ALG9: variants seen among roughly 807,000 people sequenced by gnomAD.
ALG9 encodes the protein alpha-1,2-mannosyltransferase ALG9.
ALG9 carries 55 observed loss-of-function variants against 81.8 expected under a neutral mutation model. That is an observed-to-expected ratio of 0.67 (90% CI 0.54 to 0.84). The LOEUF is 0.84. ALG9 is among the 40% of genes least tolerant of loss of function. The pLI, the probability that ALG9 is intolerant of heterozygous loss-of-function variation, is 0.00. For missense variants in ALG9, 629 were observed against 745.0 expected, an observed-to-expected ratio of 0.84 and a Z score of 1.81; for synonymous variants, 278 against 274.3, an observed-to-expected ratio of 1.01 and a Z score of -0.13.
intron 1 of ALG9, 120 bp downstream of exon 1, chr11:111,871,231 CG>C: frequency 1.5e-6 from 2 of 1,313,962 alleles, no homozygotes; most frequent in South Asian, 4.4e-5. Context: ...AGAGGGAGCT[CG>C]GGCCTCCCGC....
At chr11:111,859,068 T>C (rs111545377) in intron 5 of ALG9, among the ~76,000 whole-genome samples, 1,715 of 152,064 alleles carry the variant, frequency 0.011, 46 homozygotes, top group African/African-American at 0.04. Flanking sequence ...TAGCCAGGCA[T>C]GGTGATGCAT....
chr11:111,773,662 G>C, the ALG9 span, among the ~76,000 whole-genome samples: 2 of 151,924 alleles, frequency 1.3e-5, no homozygotes, highest in African/African-American at 4.8e-5. Flanking sequence ...CTTGCCAGGG[G>C]CCTATATACC....
chr11:111,864,337 T>C (rs1679553711), intron 4 of ALG9: 1 of 791,106 alleles, frequency 1.3e-6, no homozygotes. Flanking sequence ...GCATAAAAGT[T>C]TCCCAGGCAG....
intron 14 of ALG9, among the ~76,000 whole-genome samples, chr11:111,786,904 ACCTGGACT>A (rs1342340894): frequency 6.6e-6 from 1 of 152,178 alleles, no homozygotes; most frequent in Non-Finnish European, 1.5e-5. Flanking sequence ...TACTCAAATG[ACCTGGACT>A]CCAGCTCTAA....
chr11:111,826,132 TC>T (rs1555108256), intron 13 of ALG9, among the ~76,000 whole-genome samples: 3 of 149,156 alleles, frequency 2.0e-5, no homozygotes, highest in African/African-American at 7.4e-5. Context: ...ATGCCTGTAA[TC>T]CCAACACTTT....
At position 111,841,541 on chromosome 11, in the gene ALG9, G is replaced by T. The variant is rs1371908697; in HGVS notation, c.1019-732C>A. Among the ~76,000 whole-genome samples, 2 of 152,194 alleles carry T rather than the reference G, an allele frequency of 1.3e-5. 1 individual carries two copies. The highest frequency in any genetic ancestry group is 4.8e-5 in the African/African-American group (2 of 41,436). ...GGAAAGTTCCCGTGGTTAGGTACAT[G>T]AGAAATGAGAGATAAGCCTGCAACC... On this transcript the variant is annotated intron_variant, in intron 9 of 14. Coordinates refer to ENST00000616540, the MANE Select transcript of ALG9 (RefSeq NM_024740.2).
chr11:111,808,904 A>G (rs1012331305), intron 14 of ALG9, among the ~76,000 whole-genome samples: 6 of 152,162 alleles, frequency 3.9e-5, no homozygotes, highest in Admixed American at 6.5e-5. Context: ...CTGAAGAGCG[A>G]GTCAAGCCCT....
downstream of ALG9, among the ~76,000 whole-genome samples, chr11:111,780,195 G>A (rs573978534): frequency 6.9e-4 from 105 of 152,138 alleles, no homozygotes; most frequent in Admixed American, 3.2e-3. Flanking sequence ...GGCTAGGTCC[G>A]ACCCTCTAAA....
chr11:111,786,200 C>A lies in ALG9; in HGVS notation c.*197G>T. On this transcript the variant is annotated 3_prime_UTR_variant, in exon 15 of 15. Coordinates refer to ENST00000616540, the MANE Select transcript of ALG9 (RefSeq NM_024740.2). ...AGCTGCAAAAAGTTTACATGCAGAA[C>A]AGAGACACACACAGGGAGCAAATGT... 3.7e-6 allele frequency: 3 copies of A among 804,926 alleles called. No homozygotes were observed. Among genetic ancestry groups the A allele is most frequent in the Non-Finnish European group, 6.2e-6 (3 of 483,410 alleles). 49.9% of individuals were successfully genotyped at this position (804,926 alleles called of 1,614,324 possible).
chr11:111,845,347 A>C (rs10789849), intron 8 of ALG9: 101,131 of 154,028 alleles, frequency 0.66, 33,281 homozygotes, highest in East Asian at 0.77. Context: ...CTATTCAGGC[A>C]TCTCCCATTT....
chr11:111,784,156 C>G lies in ALG9; in HGVS notation c.*2241G>C, dbSNP rs530175499. On this transcript the variant is annotated 3_prime_UTR_variant, in exon 15 of 15. Coordinates refer to ENST00000616540, the MANE Select transcript of ALG9 (RefSeq NM_024740.2). The stretch of plus-strand genomic sequence containing the variant: ...TCAGATCATATGTGCTAGTTTTACA[C>G]TGGAAAATAGTAATCAAGAATTGAG... 3 of 152,304 alleles carry G rather than the reference C, an allele frequency of 2.0e-5. No individual in the cohort carries two copies. The highest frequency in any genetic ancestry group is 7.2e-5 in the African/African-American group (3 of 41,554). 9.4% of individuals were successfully genotyped at this position (152,304 alleles called of 1,614,324 possible). A position where few individuals can be genotyped will look rare whatever the true frequency, so the allele number is the denominator to read the frequency against.
rs1958179467 is a variant in ALG9, at chr11:111,853,645, T to A, written c.789+4A>T. ...GGACAAAGCAAGTAAAAAAGAAAACTCACCAGAAATAGTATGAGGGCCATC... is the reference window on the plus strand; with the variant it reads ...GGACAAAGCAAGTAAAAAAGAAAACACACCAGAAATAGTATGAGGGCCATC... On this transcript the variant is annotated splice_donor_region_variant and intron_variant, in intron 7 of 14. Transcript: ENST00000616540. 2 of 1,613,510 alleles carry A rather than the reference T, an allele frequency of 1.2e-6. No homozygotes were observed. Among genetic ancestry groups the A allele is most frequent in the African/African-American group, 2.7e-5 (2 of 74,864 alleles).
the ALG9 span, among the ~76,000 whole-genome samples, chr11:111,771,596 G>A: frequency 1.3e-5 from 2 of 152,184 alleles, no homozygotes; most frequent in Non-Finnish European, 2.9e-5. Flanking sequence ...AAGTGTCTCA[G>A]GGCAGATTCA....
chr11:111,871,546 T>G lies in ALG9; in HGVS notation c.-64A>C, dbSNP rs1964290841. The G allele has an allele frequency of 5.9e-6, 9 of 1,533,700 alleles. No individual in the cohort carries two copies. The South Asian group carries it at 8.4e-5, about 14-fold the overall frequency. Reference sequence around the variant, plus strand: ...GTCGGTGAGCGCGCAGACATAGCTTTGGCTGGCAAACGGTGTCCGCCGAGG... The same window carrying G: ...GTCGGTGAGCGCGCAGACATAGCTTGGGCTGGCAAACGGTGTCCGCCGAGG... On this transcript the variant is annotated 5_prime_UTR_variant, in exon 1 of 15. Transcript: ENST00000616540.
intron 5 of ALG9, among the ~76,000 whole-genome samples, chr11:111,859,167 C>A (rs1480823465): frequency 1.3e-5 from 2 of 152,176 alleles, no homozygotes; most frequent in African/African-American, 4.8e-5. Context: ...GATTGTGCCA[C>A]TGCACTCTAA....
At chr11:111,850,682 G>A (rs377602528) in intron 8 of ALG9, among the ~76,000 whole-genome samples, 25 of 110,408 alleles carry the variant, frequency 2.3e-4, no homozygotes, top group African/African-American at 7.5e-4. Flanking sequence ...ACTCCAGCCC[G>A]GGTGACAGAG....
intron 2 of ALG9, 137 bp downstream of exon 2, chr11:111,870,094 GT>G (rs1399469113): frequency 1.7e-5 from 19 of 1,106,016 alleles, no homozygotes; most frequent in South Asian, 1.2e-4. Context: ...TTATAGGCCT[GT>G]TTTTTTGTTT....
At chr11:111,865,343 A>G (rs1962004066) in intron 3 of ALG9, 92 bp from the exon 4 acceptor site, 1 of 945,566 alleles carries the variant, frequency 1.1e-6, no homozygotes, top group Admixed American at 2.6e-5. Context: ...TGTCAATAAC[A>G]CTGTAAATTG....
At chr11:111,802,754 A>G (rs1452563757) in intron 14 of ALG9, among the ~76,000 whole-genome samples, 12 of 152,178 alleles carry the variant, frequency 7.9e-5, no homozygotes, top group South Asian at 6.2e-4. Flanking sequence ...AAGAAGAGAA[A>G]AAGCAACTAC....
Sources: allele counts gnomAD v4.1 joint callset (sites outside exome capture counted in the v4.1 genomes callset), GRCh38; gene constraint gnomAD v4.1.1; transcripts MANE v1.5; gene names NCBI Gene and HGNC (gene_info 2026-07-23, HGNC 2026-07-21).